Variants in EFCAB5 observed in about 807,000 individuals in gnomAD.
The protein encoded by EFCAB5 is EF-hand calcium-binding domain-containing protein 5.
A neutral mutation model predicts 167.9 loss-of-function variants in EFCAB5; 131 were observed. The observed-to-expected ratio is 0.78, with a 90% CI of 0.68 to 0.90. EFCAB5 has a LOEUF of 0.90. Ranked by LOEUF, EFCAB5 falls within the 40% of genes least tolerant of loss-of-function variation. The probability of loss-of-function intolerance (pLI) is 0.00; values close to 1 mark genes in which losing one functional copy is unlikely to be tolerated. For synonymous variants in EFCAB5, 574 were observed against 602.8 expected, an observed-to-expected ratio of 0.95 and a Z score of 0.70; for missense variants, 1,663 against 1,745.2, an observed-to-expected ratio of 0.95 and a Z score of 0.84.
chr17:30,053,167 T>C, intron 9 of EFCAB5, 88 bp from the exon 10 acceptor site: 1 of 1,434,434 alleles, frequency 7.0e-7, no homozygotes, highest in South Asian at 1.4e-5. Context: ...ATTTCTGTGC[T>C]CAATGCTTTT....
At position 30,080,258 on chromosome 17, in the gene EFCAB5, G is replaced by A; in HGVS notation, c.3197+17G>A. On this transcript the variant is annotated intron_variant, in intron 16 of 22. Transcript: ENST00000394835. ...AGGAATCAGGTAAGAACTTCTTGAA[G>A]AGATTGGTTTCACCCTCCTAAAAAA... is the stretch of plus-strand genomic sequence containing the variant. 1 of 1,545,074 alleles carries A rather than the reference G, an allele frequency of 6.5e-7. No individual in the cohort carries two copies. Among genetic ancestry groups the A allele is most frequent in the South Asian group, 1.3e-5 (1 of 78,874 alleles).
chr17:30,029,538 G>C (rs1478252710), intron 7 of EFCAB5, among the ~76,000 whole-genome samples: 1 of 151,580 alleles, frequency 6.6e-6, no homozygotes, highest in African/African-American at 2.4e-5. Context: ...GTCAGGGGCT[G>C]TCTGTATATA....
At chr17:29,964,826 C>T (rs1040402568) in intron 3 of EFCAB5, among the ~76,000 whole-genome samples, 6 of 150,856 alleles carry the variant, frequency 4.0e-5, no homozygotes, top group Non-Finnish European at 7.4e-5. Context: ...TTATTATTTT[C>T]TTTCTTTTGC....
intron 6 of EFCAB5, among the ~76,000 whole-genome samples, chr17:29,997,081 A>G (rs919895235): frequency 6.6e-6 from 1 of 152,018 alleles, no homozygotes; most frequent in Non-Finnish European, 1.5e-5. Flanking sequence ...GACTGTCTCT[A>G]CTAAAATACA....
chr17:30,094,580 G>T (rs979186975), intron 22 of EFCAB5, among the ~76,000 whole-genome samples: 5 of 151,712 alleles, frequency 3.3e-5, no homozygotes, highest in Non-Finnish European at 7.4e-5. Flanking sequence ...CTACTCAGGA[G>T]GCTGAGGTGG....
intron 5 of EFCAB5, among the ~76,000 whole-genome samples, chr17:29,995,060 T>C (rs2068515599): frequency 6.6e-6 from 1 of 152,204 alleles, no homozygotes; most frequent in Non-Finnish European, 1.5e-5. Context: ...AAAATTGTTC[T>C]TGTTTTGTTA....
At chr17:29,978,988 T>C (rs1418318977) in intron 4 of EFCAB5, among the ~76,000 whole-genome samples, 1 of 152,166 alleles carries the variant, frequency 6.6e-6, no homozygotes, top group Non-Finnish European at 1.5e-5. Context: ...GCTTACTCTG[T>C]TGGCCTCTGC....
intron 3 of EFCAB5, among the ~76,000 whole-genome samples, chr17:29,961,497 T>C (rs751663581): frequency 6.6e-6 from 1 of 152,230 alleles, no homozygotes; most frequent in Non-Finnish European, 1.5e-5. Flanking sequence ...TTTTCTGTGC[T>C]CTTGGTGTTA....
intron 1 of EFCAB5, among the ~76,000 whole-genome samples, chr17:29,930,871 G>A (rs2067183351): frequency 6.6e-6 from 1 of 152,158 alleles, no homozygotes; most frequent in South Asian, 2.1e-4. Context: ...GGAGTCCGAG[G>A]AAGCCGGTTG....
chr17:30,062,332 C>T (rs757116673), intron 14 of EFCAB5, among the ~76,000 whole-genome samples: 1 of 152,136 alleles, frequency 6.6e-6, no homozygotes, highest in East Asian at 1.9e-4. Flanking sequence ...GAACAGAAGG[C>T]GATGCCAGGT....
At chr17:30,107,408 T>G (rs2071462925) in intron 22 of EFCAB5, among the ~76,000 whole-genome samples, 1 of 152,184 alleles carries the variant, frequency 6.6e-6, no homozygotes, top group Admixed American at 6.5e-5. Context: ...GATCCCACTG[T>G]CTTCTCGTCT....
intron 19 of EFCAB5, among the ~76,000 whole-genome samples, chr17:30,089,242 T>C (rs1418504671): frequency 1.3e-5 from 2 of 152,136 alleles, no homozygotes; most frequent in Non-Finnish European, 2.9e-5. Context: ...GGAAGTCAGT[T>C]GACCAATGGG....
At chr17:30,043,301 G>C (rs1182175604) in intron 8 of EFCAB5, among the ~76,000 whole-genome samples, 2 of 151,982 alleles carry the variant, frequency 1.3e-5, no homozygotes, top group Non-Finnish European at 2.9e-5. Context: ...TACTTACAAT[G>C]GTAAAAAATT....
chr17:29,956,109 C>T (rs765856719), intron 3 of EFCAB5, among the ~76,000 whole-genome samples: 29 of 152,096 alleles, frequency 1.9e-4, no homozygotes, highest in Non-Finnish European at 2.9e-4. Flanking sequence ...AACTGGCTAG[C>T]CATATGCAGA....
intron 22 of EFCAB5, among the ~76,000 whole-genome samples, chr17:30,101,271 A>G (rs1376072040): frequency 6.6e-6 from 1 of 152,232 alleles, no homozygotes; most frequent in East Asian, 1.9e-4. Flanking sequence ...CAGAGAGACC[A>G]ACTAGAGGAG....
chr17:30,027,063 T>C lies in EFCAB5; in HGVS notation c.1045-7167T>C, dbSNP rs574850747. Among the ~76,000 whole-genome samples, 30 of 134,474 alleles carry C rather than the reference T, an allele frequency of 2.2e-4. No homozygotes were observed. In the South Asian group the frequency reaches 7.5e-3, roughly 34 times the overall value. 88.2% of individuals were successfully genotyped at this position (134,474 alleles called of 152,430 possible). A position where few individuals can be genotyped will look rare whatever the true frequency, so the allele number is the denominator to read the frequency against. ...GTGCAGTGGCGCAATCTCAGCTCAC[T>C]GCAAGCTCTGCCTCCCAGGTTCATG... On this transcript the variant is annotated intron_variant, in intron 7 of 22. Transcript: ENST00000394835.
intron 3 of EFCAB5, among the ~76,000 whole-genome samples, chr17:29,951,424 A>G (rs1030375149): frequency 6.6e-6 from 1 of 151,542 alleles, no homozygotes; most frequent in Non-Finnish European, 1.5e-5. Context: ...TGCAACCTCC[A>G]CCTCCTGGGA....
chr17:30,049,352 C>T (rs1313618573), intron 8 of EFCAB5, among the ~76,000 whole-genome samples: 3 of 152,000 alleles, frequency 2.0e-5, no homozygotes, highest in African/African-American at 4.8e-5. Context: ...TGGTGGCATG[C>T]GCCTGTAGTC....
intron 22 of EFCAB5, 22 bp downstream of exon 22, chr17:30,092,958 G>C: frequency 6.4e-7 from 1 of 1,551,448 alleles, no homozygotes; most frequent in Non-Finnish European, 8.8e-7. Flanking sequence ...CTTAATTACA[G>C]CCTAAATCTA....
Sources: allele counts gnomAD v4.1 joint callset (sites outside exome capture counted in the v4.1 genomes callset), GRCh38; gene constraint gnomAD v4.1.1; transcripts MANE v1.5; gene names NCBI Gene and HGNC (gene_info 2026-07-23, HGNC 2026-07-21).